Variants in DST observed in about 807,000 individuals in gnomAD.
The protein encoded by DST is dystonin, also known as bullous pemphigoid antigen.
A neutral mutation model predicts 875.2 loss-of-function variants in DST; 253 were observed. The observed-to-expected ratio is 0.29, with a 90% CI of 0.26 to 0.32. The LOEUF is 0.32. Ranked by LOEUF, DST falls within the 10% of genes least tolerant of loss-of-function variation. The pLI, the probability that DST is intolerant of heterozygous loss-of-function variation, is 1.00. For missense variants in DST, 8,287 were observed against 9,111.6 expected (o/e 0.91, Z 3.68); for synonymous variants, 3,124 against 3,197.1 (o/e 0.98, Z 0.77).
intron 39 of DST, 92 bp downstream of exon 39, chr6:56,610,335 G>C (rs913286765): frequency 9.1e-6 from 9 of 986,152 alleles, no homozygotes; most frequent in Non-Finnish European, 1.2e-5. Context: ...CAAAATTCAA[G>C]GTCATTTCTT....
chr6:56,738,513 G>A (rs2099534731), intron 4 of DST, among the ~76,000 whole-genome samples: 1 of 152,092 alleles, frequency 6.6e-6, no homozygotes. Flanking sequence ...GTACAGATGG[G>A]GTTTCACCGT....
At chr6:56,507,077 T>C (rs1437395440) in intron 75 of DST, among the ~76,000 whole-genome samples, 1 of 152,180 alleles carries the variant, frequency 6.6e-6, no homozygotes, top group East Asian at 1.9e-4. Flanking sequence ...TCAACAATAC[T>C]GTAAGGCTTA....
At chr6:56,809,115 C>T (rs1203980276) in intron 4 of DST, among the ~76,000 whole-genome samples, 2 of 152,130 alleles carry the variant, frequency 1.3e-5, no homozygotes, top group Non-Finnish European at 2.9e-5. Flanking sequence ...CAAACCTCCC[C>T]ACCTTCTCTT....
At chr6:56,553,763 CAAGG>C in intron 60 of DST, 108 bp from the exon 61 acceptor site, 5 of 1,099,834 alleles carry the variant, frequency 4.5e-6, no homozygotes, top group Non-Finnish European at 6.4e-6. Context: ...TGTTGAAAAG[CAAGG>C]GCTTTTAGCA....
intron 36 of DST, chr6:56,619,832 T>C: frequency 6.2e-7 from 1 of 1,614,206 alleles, no homozygotes; most frequent in South Asian, 1.1e-5. Flanking sequence ...ACGAGCCTTT[T>C]CCTCAGATGA....
intron 5 of DST, among the ~76,000 whole-genome samples, chr6:56,708,561 G>A (rs1017571187): frequency 3.9e-5 from 6 of 151,952 alleles, no homozygotes; most frequent in Admixed American, 1.3e-4. Flanking sequence ...ATCATTTTCC[G>A]AAAAGCAAAT....
At chr6:56,919,963 G>A (rs2127737091) in intron 2 of DST, among the ~76,000 whole-genome samples, 1 of 152,200 alleles carries the variant, frequency 6.6e-6, no homozygotes, top group South Asian at 2.1e-4. Flanking sequence ...CGGGAAAAAA[G>A]AAGGATATAT....
intron 3 of DST, among the ~76,000 whole-genome samples, chr6:56,892,229 T>C (rs1437905202): frequency 6.6e-6 from 1 of 151,980 alleles, no homozygotes; most frequent in Non-Finnish European, 1.5e-5. Flanking sequence ...CTTGTATTTC[T>C]CTCATATAAA....
chr6:56,511,432 C>A, intron 72 of DST, 32 bp from the exon 73 acceptor site: 1 of 1,550,212 alleles, frequency 6.5e-7, no homozygotes. Context: ...TTCAGTATCT[C>A]AGGGTCACAC....
intron 5 of DST, among the ~76,000 whole-genome samples, chr6:56,727,436 C>G (rs1407193668): frequency 2.0e-4 from 31 of 152,218 alleles, no homozygotes; most frequent in Admixed American, 2.0e-3. Flanking sequence ...AGAACACACA[C>G]ACTTCCAATG....
intron 10 of DST, among the ~76,000 whole-genome samples, chr6:56,670,077 C>T (rs1391953819): frequency 1.3e-5 from 2 of 151,312 alleles, no homozygotes; most frequent in Non-Finnish European, 2.9e-5. Flanking sequence ...CTGCTATCTG[C>T]GAAGTTACTG....
rs545059024 is a variant in DST, at chr6:56,654,665, T to C, written c.1215-3421A>G. On this transcript the variant is annotated intron_variant, in intron 10 of 103. Coordinates refer to ENST00000680361, the MANE Select transcript of DST (RefSeq NM_001374736.1). ...GCATTTATGTATAGATAGATAGATA[T>C]ATGGATATAGTATAAGGATATCACC... 9.7e-4 allele frequency among the ~76,000 whole-genome samples: 147 copies of C among 151,160 alleles called. 1 individual carries two copies. Among genetic ancestry groups the C allele is most frequent in the Non-Finnish European group, 2.2e-4 (15 of 68,016 alleles).
At chr6:56,537,582 A>G (rs907082196) in intron 61 of DST, among the ~76,000 whole-genome samples, 1 of 152,258 alleles carries the variant, frequency 6.6e-6, no homozygotes, top group Non-Finnish European at 1.5e-5. Flanking sequence ...AGAGATGCCA[A>G]TGGACTCTCA....
chr6:56,779,893 A>G (rs1225962642), intron 4 of DST, among the ~76,000 whole-genome samples: 1 of 99,238 alleles, frequency 1.0e-5, no homozygotes, highest in Non-Finnish European at 1.9e-5. Flanking sequence ...ACCCCATAAC[A>G]TTCCCCAGAG....
intron 36 of DST, chr6:56,615,272 A>T: frequency 7.9e-7 from 1 of 1,268,826 alleles, no homozygotes; most frequent in Non-Finnish European, 1.0e-6. Context: ...AAAACATTTT[A>T]GTGTGGCCAA....
chr6:56,673,299 A>T (rs2099111924), intron 9 of DST, among the ~76,000 whole-genome samples: 1 of 152,112 alleles, frequency 6.6e-6, no homozygotes, highest in Non-Finnish European at 1.5e-5. Context: ...GAAAAGAAAA[A>T]GTTGAGCCTC....
chr6:56,903,946 G>C (rs1473650773), intron 2 of DST, among the ~76,000 whole-genome samples: 1 of 152,062 alleles, frequency 6.6e-6, no homozygotes, highest in African/African-American at 2.4e-5. Context: ...CCACTATCTG[G>C]GTTCTAATAC....
chr6:56,711,785 C>CA (rs1490789248), intron 5 of DST, among the ~76,000 whole-genome samples: 1 of 152,104 alleles, frequency 6.6e-6, no homozygotes, highest in Non-Finnish European at 1.5e-5. Context: ...TATTATTGTG[C>CA]AATCTTTTAA....
intron 36 of DST, chr6:56,615,342 TA>T: frequency 6.9e-7 from 1 of 1,455,812 alleles, no homozygotes; most frequent in South Asian, 1.4e-5. Context: ...AAATCTTATG[TA>T]ATTTTCAATT....
Sources: allele counts gnomAD v4.1 joint callset (sites outside exome capture counted in the v4.1 genomes callset), GRCh38; gene constraint gnomAD v4.1.1; transcripts MANE v1.5; gene names NCBI Gene and HGNC (gene_info 2026-07-23, HGNC 2026-07-21).